The following VWA8 variants were observed in gnomAD, a reference collection of about 807,000 sequenced individuals.
The protein encoded by VWA8 is von Willebrand factor A domain containing 8, also known as von Willebrand factor A domain-containing protein 8.
VWA8 carries 221 observed loss-of-function variants against 241.5 expected under a neutral mutation model. The observed-to-expected ratio is 0.91, with a 90% CI of 0.82 to 1.02. The LOEUF is 1.02. Among genes scored for constraint, VWA8 ranks in the 50% least tolerant of loss-of-function variants. The pLI is 0.00. For missense variants in VWA8, 2,322 were observed against 2,328.7 expected, an observed-to-expected ratio of 1.00 and a Z score of 0.06; for synonymous variants, 852 against 827.1, an observed-to-expected ratio of 1.03 and a Z score of -0.52.
At chr13:41,664,826 T>C (rs1052432414) in intron 37 of VWA8, among the ~76,000 whole-genome samples, 6 of 152,122 alleles carry the variant, frequency 3.9e-5, no homozygotes, top group African/African-American at 1.2e-4. Flanking sequence ...TTTGTTGCTG[T>C]TGTTGTTGTT....
chr13:41,832,989 T>C (rs1251369011), intron 13 of VWA8, among the ~76,000 whole-genome samples: 1 of 152,052 alleles, frequency 6.6e-6, no homozygotes, highest in African/African-American at 2.4e-5. Flanking sequence ...AATTAAGATC[T>C]ATGATTGATA....
intron 4 of VWA8, chr13:41,905,178 C>T (rs987164965): frequency 6.6e-6 from 1 of 151,872 alleles, no homozygotes; most frequent in Non-Finnish European, 1.5e-5. Context: ...TTAGCATGAC[C>T]CCTCCTCAAG....
intron 25 of VWA8, among the ~76,000 whole-genome samples, chr13:41,720,121 GAAGTTTTCAGAAA>G: frequency 6.6e-6 from 1 of 152,140 alleles, no homozygotes; most frequent in Admixed American, 6.6e-5. Flanking sequence ...TATCTATACT[GAAGTTTTCAGAAA>G]AGTCAGTCTA....
intron 37 of VWA8, among the ~76,000 whole-genome samples, chr13:41,653,682 A>C (rs1183657278): frequency 6.6e-6 from 1 of 152,236 alleles, no homozygotes; most frequent in Non-Finnish European, 1.5e-5. Context: ...TACAGTAACC[A>C]AAACAGCACC....
chr13:41,701,152 C>T (rs2045246667), intron 28 of VWA8, among the ~76,000 whole-genome samples: 2 of 152,116 alleles, frequency 1.3e-5, no homozygotes. Context: ...CTTTGTGCTA[C>T]AATTGTAATG....
chr13:41,772,212 A>G (rs2045829452), intron 20 of VWA8, among the ~76,000 whole-genome samples: 1 of 152,166 alleles, frequency 6.6e-6, no homozygotes, highest in Non-Finnish European at 1.5e-5. Flanking sequence ...TTTTTTAAAC[A>G]AAAAGAAATA....
At chr13:41,849,600 G>C (rs940097411) in intron 12 of VWA8, among the ~76,000 whole-genome samples, 2 of 152,150 alleles carry the variant, frequency 1.3e-5, no homozygotes, top group Non-Finnish European at 2.9e-5. Context: ...GAAAACAGAA[G>C]TGCATAGGTC....
chr13:41,716,066 A>G (rs2045346124), intron 26 of VWA8, among the ~76,000 whole-genome samples: 1 of 151,994 alleles, frequency 6.6e-6, no homozygotes, highest in Non-Finnish European at 1.5e-5. Context: ...CCCATGTATT[A>G]GAAACTTAAA....
At position 41,570,605 on chromosome 13, in the gene VWA8, G is replaced by A. The variant is rs779371611; in HGVS notation, c.5472C>T (p.Tyr1824=). The A allele has an allele frequency of 2.5e-6, 4 of 1,614,200 alleles. No homozygotes were observed. Among genetic ancestry groups the A allele is most frequent in the Non-Finnish European group, 1.7e-6 (2 of 1,180,040 alleles). The change falls in exon 44 of 45, where the codon TAC becomes TAT. Residue 1824 remains tyrosine, a synonymous_variant. Transcript: ENST00000379310. ...TTGCATCACTCAAGACTATGACAAA[G>A]TACTCATCAGCTTCTTCTTTGACAA... ...KEIVKEEADE[Y]FVIVLSDANL...
intron 17 of VWA8, among the ~76,000 whole-genome samples, chr13:41,792,550 G>A (rs547754387): frequency 4.6e-5 from 7 of 152,012 alleles, no homozygotes; most frequent in Non-Finnish European, 1.0e-4. Flanking sequence ...AATAGGTTAA[G>A]TATACCCTCA....
intron 37 of VWA8, among the ~76,000 whole-genome samples, chr13:41,623,240 T>C (rs1321733819): frequency 6.6e-6 from 1 of 152,112 alleles, no homozygotes; most frequent in Non-Finnish European, 1.5e-5. Context: ...ATATGATGCA[T>C]AGAGCTGTAG....
chr13:41,827,865 C>G (rs1170555557), intron 14 of VWA8, among the ~76,000 whole-genome samples: 4 of 152,192 alleles, frequency 2.6e-5, no homozygotes, highest in African/African-American at 4.8e-5. Context: ...AAAGGGTTGT[C>G]ATTTCCTTGA....
At chr13:41,763,792 T>C (rs1424225546) in intron 20 of VWA8, among the ~76,000 whole-genome samples, 1 of 152,190 alleles carries the variant, frequency 6.6e-6, no homozygotes, top group Non-Finnish European at 1.5e-5. Context: ...CCTCCTCCCT[T>C]CCCACCTCTA....
In VWA8 at chr13:41,798,419, C is replaced by T. The variant is rs999740785; in HGVS notation, c.2064-10876G>A. On this transcript the variant is annotated intron_variant, in intron 17 of 44. Transcript: ENST00000379310. ...TCAGTCTTTAGCTGAAAATGTATTCCGCTAGGCAAAGACTTCTGGCATTGA... is the reference window on the plus strand; with the variant it reads ...TCAGTCTTTAGCTGAAAATGTATTCTGCTAGGCAAAGACTTCTGGCATTGA... Among the ~76,000 whole-genome samples the T allele has an allele frequency of 3.3e-5, 5 of 152,212 alleles. No homozygotes were observed. In the South Asian group the frequency reaches 6.2e-4, roughly 19 times the overall value.
chr13:41,807,690 G>T (rs1870276561), intron 17 of VWA8: 1 of 152,256 alleles, frequency 6.6e-6, no homozygotes, highest in African/African-American at 2.4e-5. Context: ...GGGCACAGTG[G>T]TGCATGCCTG....
intron 35 of VWA8, among the ~76,000 whole-genome samples, chr13:41,684,346 TAA>T (rs71696252): frequency 6.9e-6 from 1 of 145,892 alleles, no homozygotes; most frequent in Non-Finnish European, 1.5e-5. Flanking sequence ...CACTGTGACA[TAA>T]AAAAAAAAAG....
chr13:41,597,966 C>T (rs879559954), intron 40 of VWA8, among the ~76,000 whole-genome samples: 1 of 152,086 alleles, frequency 6.6e-6, no homozygotes, highest in African/African-American at 2.4e-5. Flanking sequence ...GTCCTGTCCT[C>T]ATTTTCTCTC....
chr13:41,733,136 C>G (rs927215404), intron 21 of VWA8, among the ~76,000 whole-genome samples: 21 of 152,044 alleles, frequency 1.4e-4, no homozygotes, highest in African/African-American at 5.1e-4. Context: ...CAGACCTGGA[C>G]GTTATACTTG....
intron 37 of VWA8, among the ~76,000 whole-genome samples, chr13:41,653,145 C>T (rs2044879809): frequency 1.3e-5 from 2 of 152,058 alleles, no homozygotes; most frequent in South Asian, 4.1e-4. Context: ...TATCTCTGAC[C>T]AAATCTTTAA....
Sources: gnomAD v4.1 joint callset for allele counts (sites outside exome capture counted in the v4.1 genomes callset) on GRCh38, gnomAD v4.1.1 for gene constraint, MANE v1.5 for transcripts, NCBI Gene and HGNC (gene_info 2026-07-23, HGNC 2026-07-21) for gene names.